The following MTUS2 variants were observed in gnomAD, a reference collection of about 807,000 sequenced individuals.
MTUS2 encodes microtubule associated scaffold protein 2, also known as microtubule-associated tumor suppressor candidate 2.
In MTUS2, 40 loss-of-function variants were observed where a neutral mutation model predicts 114.1. The observed-to-expected ratio is 0.35, with a 90% CI of 0.27 to 0.46. The LOEUF is 0.46. Ranked by LOEUF, MTUS2 falls within the 20% of genes least tolerant of loss-of-function variation. MTUS2 has a pLI of 1.00. For synonymous variants in MTUS2, 688 were observed against 672.0 expected (o/e 1.02, Z -0.37); for missense variants, 1,679 against 1,705.4 (o/e 0.98, Z 0.27).
At chr13:29,456,840 TA>T in intron 9 of MTUS2, among the ~76,000 whole-genome samples, 1 of 152,092 alleles carries the variant, frequency 6.6e-6, no homozygotes, top group Non-Finnish European at 1.5e-5. Context: ...AATATGTGGA[TA>T]AATATAAAAG....
chr13:28,829,720 T>C (rs2137944811), intron 1 of MTUS2, among the ~76,000 whole-genome samples: 1 of 152,328 alleles, frequency 6.6e-6, no homozygotes, highest in African/African-American at 2.4e-5. Context: ...CAATCAGCAG[T>C]AATTGTTTAA....
At chr13:29,153,947 C>G (rs76526591) in intron 5 of MTUS2, among the ~76,000 whole-genome samples, 2 of 152,180 alleles carry the variant, frequency 1.3e-5, no homozygotes, top group East Asian at 3.9e-4. Flanking sequence ...TTTTGAGAGT[C>G]GAAAGGGTAT....
chr13:29,287,606 C>T (rs1253815718), intron 6 of MTUS2, among the ~76,000 whole-genome samples: 1 of 152,096 alleles, frequency 6.6e-6, no homozygotes, highest in African/African-American at 2.4e-5. Flanking sequence ...CTTGCTTGTC[C>T]CTTCTTATGA....
chr13:28,861,000 A>T (rs929766011), intron 2 of MTUS2, among the ~76,000 whole-genome samples: 4 of 152,058 alleles, frequency 2.6e-5, no homozygotes, highest in African/African-American at 9.7e-5. Flanking sequence ...GAATCTTATC[A>T]GCCTGCTGGG....
intron 5 of MTUS2, among the ~76,000 whole-genome samples, chr13:29,276,515 G>T (rs1898068995): frequency 1.3e-5 from 2 of 152,164 alleles, no homozygotes; most frequent in East Asian, 1.9e-4. Flanking sequence ...GGGGAAAATG[G>T]TGTGATGGAA....
chr13:29,192,892 G>A (rs1353504561), intron 5 of MTUS2, among the ~76,000 whole-genome samples: 2 of 152,082 alleles, frequency 1.3e-5, no homozygotes, highest in Non-Finnish European at 2.9e-5. Context: ...TGTTAATTTA[G>A]GTCCAGAATG....
intron 8 of MTUS2, among the ~76,000 whole-genome samples, chr13:29,399,634 C>T (rs1216909966): frequency 1.3e-5 from 2 of 151,662 alleles, no homozygotes; most frequent in Non-Finnish European, 2.9e-5. Flanking sequence ...CCAGAAAGAC[C>T]AAGAAAGGAA....
intron 5 of MTUS2, among the ~76,000 whole-genome samples, chr13:29,219,770 G>A (rs1052270247): frequency 6.6e-6 from 1 of 152,278 alleles, no homozygotes; most frequent in Admixed American, 6.5e-5. Flanking sequence ...TTACTTTAAT[G>A]TTGTGGAGGA....
At chr13:29,184,786 CAAA>C (rs1894153173) in intron 5 of MTUS2, among the ~76,000 whole-genome samples, 1 of 152,056 alleles carries the variant, frequency 6.6e-6, no homozygotes, top group African/African-American at 2.4e-5. Context: ...TGGGGAATGA[CAAA>C]AATCTGATTT....
At chr13:29,455,891 G>A (rs1879074751) in intron 9 of MTUS2, among the ~76,000 whole-genome samples, 1 of 152,126 alleles carries the variant, frequency 6.6e-6, no homozygotes, top group Non-Finnish European at 1.5e-5. Context: ...TGAGGTGGAA[G>A]GATTGCTGGA....
intron 2 of MTUS2, among the ~76,000 whole-genome samples, chr13:28,967,685 T>C (rs1050262140): frequency 2.6e-5 from 4 of 152,104 alleles, no homozygotes; most frequent in Non-Finnish European, 5.9e-5. Flanking sequence ...CCGTGGCCCT[T>C]CTCATTTCCC....
At chr13:28,861,729 A>G (rs1216594721) in intron 2 of MTUS2, among the ~76,000 whole-genome samples, 1 of 152,098 alleles carries the variant, frequency 6.6e-6, no homozygotes, top group African/African-American at 2.4e-5. Flanking sequence ...GTGTGGAGCA[A>G]TAGGGAAAGT....
At chr13:29,409,296 A>G (rs1466328732) in intron 8 of MTUS2, among the ~76,000 whole-genome samples, 1 of 152,188 alleles carries the variant, frequency 6.6e-6, no homozygotes, top group African/African-American at 2.4e-5. Flanking sequence ...AGCCTAGGGG[A>G]CAGAGTGAAA....
chr13:29,484,471 C>T (rs1297187488), intron 10 of MTUS2, among the ~76,000 whole-genome samples: 17 of 152,252 alleles, frequency 1.1e-4, no homozygotes, highest in Admixed American at 1.1e-3. Context: ...GATGGCGCCT[C>T]TGTCAACACC....
chr13:28,828,044 A>T (rs879546668), intron 1 of MTUS2, among the ~76,000 whole-genome samples: 1 of 152,222 alleles, frequency 6.6e-6, no homozygotes, highest in East Asian at 1.9e-4. Flanking sequence ...TGGGAGCGCT[A>T]CGGGAGACTG....
At chr13:28,888,610 C>T (rs939417389) in intron 2 of MTUS2, among the ~76,000 whole-genome samples, 9 of 151,928 alleles carry the variant, frequency 5.9e-5, no homozygotes, top group Admixed American at 2.6e-4. Flanking sequence ...TTAGTAGAGA[C>T]GGGGTTTCTC....
rs557979428 is a variant in MTUS2, at chr13:28,943,753, A to C, written c.-242-80704A>C. Among the ~76,000 whole-genome samples, 4 of 152,246 alleles carry C rather than the reference A, an allele frequency of 2.6e-5. No homozygotes were observed. In the South Asian group the frequency reaches 8.3e-4, roughly 32 times the overall value. ...GAGATTGTAAGCAGTTCAATATGGC[A>C]AGAGCACCGGATGCATAGGGAGGAA... is the stretch of plus-strand genomic sequence containing the variant. On this transcript the variant is annotated intron_variant, in intron 2 of 15. Transcript: ENST00000612955.
chr13:29,344,407 C>T (rs1450609956), intron 7 of MTUS2, among the ~76,000 whole-genome samples: 1 of 151,864 alleles, frequency 6.6e-6, no homozygotes, highest in African/African-American at 2.4e-5. Flanking sequence ...CATAATGTTC[C>T]TCTTTGTCTT....
chr13:28,970,859 A>G (rs138625492), intron 2 of MTUS2, among the ~76,000 whole-genome samples: 86 of 152,300 alleles, frequency 5.6e-4, no homozygotes, highest in Non-Finnish European at 8.1e-4. Context: ...GTCAGTGACC[A>G]GAGGAGACGC....
Sources: allele counts gnomAD v4.1 joint callset (sites outside exome capture counted in the v4.1 genomes callset), GRCh38; gene constraint gnomAD v4.1.1; transcripts MANE v1.5; gene names NCBI Gene and HGNC (gene_info 2026-07-23, HGNC 2026-07-21).